The following CENPF variants were observed in gnomAD, a reference collection of about 807,000 sequenced individuals.
CENPF encodes the protein centromere protein F, also known as AH antigen.
Under a neutral mutation model 307.3 loss-of-function variants are expected in CENPF, and 214 were observed. That is an observed-to-expected ratio of 0.70 (90% CI 0.62 to 0.78). The LOEUF is 0.78. Among genes scored for constraint, CENPF ranks in the 30% least tolerant of loss-of-function variants. The pLI, the probability that CENPF is intolerant of heterozygous loss-of-function variation, is 0.00. For missense variants in CENPF, 3,401 were observed against 3,483.9 expected (o/e 0.98, Z 0.60); for synonymous variants, 1,259 against 1,270.6 (o/e 0.99, Z 0.19).
intron 12 of CENPF, among the ~76,000 whole-genome samples, chr1:214,643,866 G>A (rs1262905597): frequency 6.6e-6 from 1 of 152,116 alleles, no homozygotes; most frequent in Non-Finnish European, 1.5e-5. Context: ...TTAAAAAATT[G>A]AATACATATT....
chr1:214,643,276 A>G lies in CENPF; in HGVS notation c.4938A>G (p.Gln1646=), dbSNP rs1658186543. The G allele has an allele frequency of 6.5e-7, 1 of 1,548,042 alleles. No individual in the cohort carries two copies. Among genetic ancestry groups the G allele is most frequent in the Non-Finnish European group, 8.7e-7 (1 of 1,153,116 alleles). The change falls in exon 12 of 20, where the codon CAA becomes CAG. Residue 1646 remains glutamine, a synonymous_variant. Transcript: ENST00000366955. ...TGGAAGTAGCACGACTCCAGCTACA[A>G]GGTCTGGACTTAAGTTCTCGGTCTT... The part of the protein sequence containing the change: ...LELEVARLQL[Q]GLDLSSRSLL...
At chr1:214,610,021 T>C (rs750456583) in intron 1 of CENPF, among the ~76,000 whole-genome samples, 2 of 44,064 alleles carry the variant, frequency 4.5e-5, no homozygotes, top group Non-Finnish European at 1.6e-4. Context: ...GCATGTGCCT[T>C]TTTTTTTTTT....
Position 214,645,842 on chromosome 1 carries a change from A to G in CENPF, c.6272A>G (p.Lys2091Arg). 1 of 1,614,200 alleles carries G rather than the reference A, an allele frequency of 6.2e-7. No individual in the cohort carries two copies. Among genetic ancestry groups the G allele is most frequent in the Non-Finnish European group, 8.5e-7 (1 of 1,180,034 alleles). ...ESDYEKLNVS[K>R]ALEAALVEKG... ...GATTATGAAAAGCTGAATGTCTCCA[A>G]GGCCTTGGAGGCCGCACTGGTGGAG... Residue 2091 changes from lysine to arginine, a missense_variant, in exon 13 of 20, where the codon AAG (lysine) becomes AGG (arginine). Physicochemically the swap from Lys to Arg is conservative, Grantham distance 26. Coordinates refer to ENST00000366955, the MANE Select transcript of CENPF (RefSeq NM_016343.4).
intron 9 of CENPF, among the ~76,000 whole-genome samples, chr1:214,631,644 C>T (rs61546198): frequency 0.05 from 7,679 of 152,186 alleles, 271 homozygotes; most frequent in East Asian, 0.13. Context: ...GGATTACAGG[C>T]GCCTGCCACC....
At position 214,641,315 on chromosome 1, in the gene CENPF, T is replaced by C. The variant is rs762018580; in HGVS notation, c.2977T>C (p.Leu993=). 4.0e-5 allele frequency: 64 copies of C among 1,610,646 alleles called. No homozygotes were observed. The highest frequency in any genetic ancestry group is 5.3e-5 in the Non-Finnish European group (63 of 1,179,306). Residue 993 remains leucine, a synonymous_variant, in exon 12 of 20, where the codon TTA becomes CTA. Transcript: ENST00000366955. ...ATCCTTAAATCAAGAGAAGATGAACTTAATCCAGAAAAGTGAGAGTTTTGC... is the reference window on the plus strand; with the variant it reads ...ATCCTTAAATCAAGAGAAGATGAACCTAATCCAGAAAAGTGAGAGTTTTGC... ...NASLNQEKMN[L]IQKSESFANY...
chr1:214,652,762 A>AT lies in CENPF; in HGVS notation c.8161-57dup, dbSNP rs546247981. 1,972 of 1,362,188 alleles carry AT rather than the reference A, an allele frequency of 1.4e-3. 7 individuals carry two copies. In the African/African-American group the frequency reaches 0.015, roughly 11 times the overall value. The allele number at this position is 1,362,188 out of a possible 1,614,324, so 84.4% of individuals were successfully genotyped here. ...CCAGCTGTTTTTTGTTTTTCTGACT[A>AT]TTTTTTTTTAGCTGTGCCTCCTGGC... On this transcript the variant is annotated intron_variant, in intron 15 of 19. Transcript: ENST00000366955.
At chr1:214,657,787 A>G (rs1236040981) in intron 18 of CENPF, among the ~76,000 whole-genome samples, 2 of 152,200 alleles carry the variant, frequency 1.3e-5, no homozygotes, top group African/African-American at 4.8e-5. Flanking sequence ...CCCTGACTGG[A>G]GCCACTGACT....
intron 1 of CENPF, among the ~76,000 whole-genome samples, chr1:214,610,296 T>A (rs1262844128): frequency 6.6e-6 from 1 of 152,208 alleles, no homozygotes; most frequent in African/African-American, 2.4e-5. Context: ...TTGAACTAAT[T>A]TGCACTCCCA....
At chr1:214,649,092 T>C (rs1349357645) in intron 14 of CENPF, among the ~76,000 whole-genome samples, 1 of 152,212 alleles carries the variant, frequency 6.6e-6, no homozygotes, top group Non-Finnish European at 1.5e-5. Context: ...AAGAGGACCC[T>C]TGGACCACAT....
chr1:214,661,406 A>C (rs1044064427), intron 19 of CENPF, among the ~76,000 whole-genome samples: 7 of 152,180 alleles, frequency 4.6e-5, no homozygotes, highest in Non-Finnish European at 1.5e-5. Context: ...TAGTTTTAAA[A>C]ATCTAGAATG....
chr1:214,611,226 G>C (rs932601295), intron 1 of CENPF, among the ~76,000 whole-genome samples: 2 of 152,236 alleles, frequency 1.3e-5, no homozygotes, highest in African/African-American at 4.8e-5. Context: ...CAATGTCTTT[G>C]GTAGTTTGAT....
intron 9 of CENPF, 117 bp from the exon 10 acceptor site, chr1:214,632,363 C>A: frequency 8.7e-7 from 1 of 1,144,118 alleles, no homozygotes; most frequent in Non-Finnish European, 1.2e-6. Context: ...TGTATCTCAG[C>A]CAAAATAGAT....
intron 7 of CENPF, among the ~76,000 whole-genome samples, chr1:214,626,339 T>C (rs1022783284): frequency 2.0e-5 from 3 of 152,196 alleles, no homozygotes; most frequent in Admixed American, 2.0e-4. Flanking sequence ...TTTACTATAA[T>C]GTCCAGGGTT....
intron 5 of CENPF, among the ~76,000 whole-genome samples, chr1:214,620,181 T>C (rs1657467075): frequency 6.6e-6 from 1 of 152,228 alleles, no homozygotes; most frequent in Non-Finnish European, 1.5e-5. Context: ...TTATATACTA[T>C]TAAACACTCG....
Position 214,618,626 on chromosome 1 carries a change from C to G in CENPF, c.413C>G (p.Ser138Cys). The change falls in exon 4 of 20, where the codon TCT becomes TGT. Residue 138 changes from serine to cysteine, a missense_variant. By Grantham distance (112) the Ser-to-Cys change is moderately radical. Transcript: ENST00000366955. ...SQQAAQSADVSLNPCNTPQKI... is the reference protein window; with the variant it reads ...SQQAAQSADVCLNPCNTPQKI... The stretch of plus-strand genomic sequence containing the variant: ...CAAGCTGCGCAGTCTGCAGATGTCT[C>G]TCTGAATCCATGCAATACACCACAA... 1 of 1,614,122 alleles carries G rather than the reference C, an allele frequency of 6.2e-7. No homozygotes were observed. Among genetic ancestry groups the G allele is most frequent in the Non-Finnish European group, 8.5e-7 (1 of 1,179,998 alleles).
At chr1:214,648,098 T>G in intron 13 of CENPF, 1 of 372,782 alleles carries the variant, frequency 2.7e-6, no homozygotes, top group South Asian at 2.0e-5. Context: ...GAACAAATAT[T>G]AAAGAATAAA....
chr1:214,626,340 G>T (rs1359475797), intron 7 of CENPF, among the ~76,000 whole-genome samples: 2 of 152,016 alleles, frequency 1.3e-5, no homozygotes, highest in Non-Finnish European at 2.9e-5. Context: ...TTACTATAAT[G>T]TCCAGGGTTT....
chr1:214,659,264 G>T lies in CENPF; in HGVS notation c.9141+236G>T, dbSNP rs1658733068. Among the ~76,000 whole-genome samples, 1 of 152,066 alleles carries T rather than the reference G, an allele frequency of 6.6e-6. No individual in the cohort carries two copies. The highest frequency in any genetic ancestry group is 1.9e-4 in the East Asian group (1 of 5,198). On this transcript the variant is annotated intron_variant, in intron 19 of 19. Coordinates refer to ENST00000366955, the MANE Select transcript of CENPF (RefSeq NM_016343.4). The surrounding 1 kb of genome is among the most constrained non-coding windows in gnomAD (Gnocchi z 4.4). ...CTTATATGTAGTTTGATGGAAAATGGCATTGTTACATCAAAACTCAGTGGA... is the reference window on the plus strand; with the variant it reads ...CTTATATGTAGTTTGATGGAAAATGTCATTGTTACATCAAAACTCAGTGGA...
chr1:214,606,980 G>A (rs1297781994), intron 1 of CENPF, among the ~76,000 whole-genome samples: 1 of 152,186 alleles, frequency 6.6e-6, no homozygotes, highest in African/African-American at 2.4e-5. Flanking sequence ...CCTGGCATTC[G>A]GACTCCACCA....
Sources: gnomAD v4.1 joint callset for allele counts (sites outside exome capture counted in the v4.1 genomes callset) on GRCh38, gnomAD v4.1.1 for gene constraint, Gnocchi (gnomAD v3.1) non-coding constraint, MANE v1.5 for transcripts, NCBI Gene and HGNC (gene_info 2026-07-23, HGNC 2026-07-21) for gene names.